GFRA2: variants seen among roughly 807,000 people sequenced by gnomAD.
GFRA2 encodes the protein GDNF family receptor alpha-2.
GFRA2 carries 17 observed loss-of-function variants against 48.3 expected under a neutral mutation model. The ratio of observed to expected loss-of-function variants is 0.35; its 90% CI spans 0.24 to 0.53. GFRA2 has a LOEUF of 0.53. Among genes scored for constraint, GFRA2 ranks in the 20% least tolerant of loss-of-function variants. GFRA2 has a pLI of 0.93. For synonymous variants in GFRA2, 305 were observed against 257.2 expected, an observed-to-expected ratio of 1.19 and a Z score of -1.78; for missense variants, 660 against 637.3, an observed-to-expected ratio of 1.04 and a Z score of -0.38.
At chr8:21,811,608 T>C (rs1807982050) in intron 1 of GFRA2, among the ~76,000 whole-genome samples, 1 of 152,076 alleles carries the variant, frequency 6.6e-6, no homozygotes, top group South Asian at 2.1e-4. Context: ...CTGGGCCCTT[T>C]GTTACAGGCT....
chr8:21,809,469 C>T (rs1440910816), intron 1 of GFRA2, among the ~76,000 whole-genome samples: 3 of 147,964 alleles, frequency 2.0e-5, no homozygotes, highest in Non-Finnish European at 3.0e-5. Context: ...GGACTACAGG[C>T]GCCCGCCACC....
intron 3 of GFRA2, among the ~76,000 whole-genome samples, chr8:21,774,257 C>T (rs993369043): frequency 2.0e-5 from 3 of 151,760 alleles, no homozygotes; most frequent in African/African-American, 4.8e-5. Flanking sequence ...AGAACAAAGC[C>T]GAGAAGAAAG....
intron 4 of GFRA2, among the ~76,000 whole-genome samples, chr8:21,709,739 T>C (rs1301894381): frequency 2.6e-5 from 4 of 152,096 alleles, no homozygotes; most frequent in Admixed American, 1.3e-4. Flanking sequence ...TCCCACCCAG[T>C]GCACAGGGAG....
intron 8 of GFRA2, 47 bp downstream of exon 8, chr8:21,694,417 C>A (rs367871905): frequency 9.0e-6 from 14 of 1,562,222 alleles, no homozygotes; most frequent in East Asian, 2.3e-5. Context: ...TGCCGCCCCC[C>A]ACCGGCCCAG....
At chr8:21,746,524 C>G (rs1805013448) in intron 4 of GFRA2, among the ~76,000 whole-genome samples, 1 of 152,256 alleles carries the variant, frequency 6.6e-6, no homozygotes, top group African/African-American at 2.4e-5. Flanking sequence ...GATCCCAGGC[C>G]TCCTAAAGTG....
intron 2 of GFRA2, among the ~76,000 whole-genome samples, chr8:21,775,790 C>A (rs1364093391): frequency 6.6e-6 from 1 of 152,050 alleles, no homozygotes; most frequent in African/African-American, 2.4e-5. Flanking sequence ...TTGGACCTTT[C>A]CTCGAGGCTT....
At chr8:21,747,075 G>A (rs1805042271) in intron 4 of GFRA2, among the ~76,000 whole-genome samples, 2 of 152,056 alleles carry the variant, frequency 1.3e-5, no homozygotes, top group African/African-American at 4.8e-5. Flanking sequence ...GCTTTTGAGC[G>A]CACCCAGCCC....
At chr8:21,793,092 A>C (rs772344507), upstream of GFRA2, among the ~76,000 whole-genome samples, 291 of 152,144 alleles carry the variant, frequency 1.9e-3, no homozygotes, top group Admixed American at 2.7e-3. Flanking sequence ...AGTTCTCAGG[A>C]AAGGAACAAT....
intron 3 of GFRA2, among the ~76,000 whole-genome samples, chr8:21,765,694 G>A (rs1001371425): frequency 1.9e-4 from 29 of 152,062 alleles, no homozygotes; most frequent in Middle Eastern, 3.4e-3. Flanking sequence ...TGGCACTTCC[G>A]GGGGGAGATC....
intron 4 of GFRA2, among the ~76,000 whole-genome samples, chr8:21,714,306 T>C (rs987826965): frequency 2.9e-5 from 4 of 139,236 alleles, no homozygotes; most frequent in African/African-American, 1.1e-4. Flanking sequence ...GGCTGGGCAG[T>C]GGCACAATCT....
At chr8:21,806,107 C>G (rs1366323517) in intron 1 of GFRA2, among the ~76,000 whole-genome samples, 3 of 152,170 alleles carry the variant, frequency 2.0e-5, no homozygotes, top group African/African-American at 7.2e-5. Flanking sequence ...TTATTCAAGC[C>G]TCCTCTCCAC....
chr8:21,754,230 G>A (rs1022788489), intron 3 of GFRA2, among the ~76,000 whole-genome samples: 1 of 152,196 alleles, frequency 6.6e-6, no homozygotes, highest in Non-Finnish European at 1.5e-5. Flanking sequence ...GCTCAGTGCT[G>A]TGTCCCTAGT....
At chr8:21,719,317 T>C (rs368765793) in intron 4 of GFRA2, among the ~76,000 whole-genome samples, 12 of 152,046 alleles carry the variant, frequency 7.9e-5, no homozygotes, top group African/African-American at 2.9e-4. Context: ...CACATCCTTC[T>C]CCTTGAGACC....
chr8:21,768,881 CCT>C (rs1806307150), intron 3 of GFRA2, among the ~76,000 whole-genome samples: 2 of 152,294 alleles, frequency 1.3e-5, no homozygotes, highest in Admixed American at 6.5e-5. Context: ...TTCACCGTCC[CCT>C]GAGCCCCCAG....
Position 21,757,974 on chromosome 8 carries a change from C to T in GFRA2, c.440-7032G>A, listed in dbSNP as rs894611722. 2.0e-5 allele frequency among the ~76,000 whole-genome samples: 3 copies of T among 152,216 alleles called. No individual in the cohort carries two copies. In the East Asian group the frequency reaches 5.8e-4, roughly 29 times the overall value. On this transcript the variant is annotated intron_variant, in intron 3 of 8. Coordinates refer to ENST00000524240, the MANE Select transcript of GFRA2 (RefSeq NM_001495.5). Reference sequence around the variant, plus strand: ...AAAAATACATATTCGTCGGCCCCATCTCCCATTCTAGCAGTGGTGTGCAAT... The same window carrying T: ...AAAAATACATATTCGTCGGCCCCATTTCCCATTCTAGCAGTGGTGTGCAAT...
chr8:21,700,631 G>C (rs942939817), intron 7 of GFRA2, among the ~76,000 whole-genome samples: 1 of 152,182 alleles, frequency 6.6e-6, no homozygotes, highest in Admixed American at 6.5e-5. Flanking sequence ...CTGGTGGCTT[G>C]GGTTTAGGAA....
At chr8:21,769,792 C>T (rs113519800) in intron 3 of GFRA2, among the ~76,000 whole-genome samples, 12,599 of 152,098 alleles carry the variant, frequency 0.083, 618 homozygotes, top group African/African-American at 0.14. Context: ...CACCAGGGGC[C>T]GGTGGTGGTT....
chr8:21,742,059 C>G (rs1804772869), intron 4 of GFRA2, among the ~76,000 whole-genome samples: 1 of 152,072 alleles, frequency 6.6e-6, no homozygotes, highest in South Asian at 2.1e-4. Context: ...AGGATACAGA[C>G]AAGTTCTAAA....
chr8:21,732,045 G>A (rs10104159), intron 4 of GFRA2, among the ~76,000 whole-genome samples: 57,008 of 152,186 alleles, frequency 0.37, 10,880 homozygotes, highest in African/African-American at 0.42. Flanking sequence ...TGGGCCCTGA[G>A]TCGGGCCAGG....
Sources: allele counts gnomAD v4.1 joint callset (sites outside exome capture counted in the v4.1 genomes callset), GRCh38; gene constraint gnomAD v4.1.1; transcripts MANE v1.5; gene names NCBI Gene and HGNC (gene_info 2026-07-23, HGNC 2026-07-21).